Variants in TRIM2 observed in about 807,000 individuals in gnomAD.
TRIM2 encodes the protein tripartite motif containing 2.
Under a neutral mutation model 75.2 loss-of-function variants are expected in TRIM2, and 20 were observed. That is an observed-to-expected ratio of 0.27 (90% CI 0.19 to 0.39). The LOEUF (loss-of-function observed/expected upper bound fraction) is 0.39, where lower values mean the gene tolerates loss of function less well. Among genes scored for constraint, TRIM2 ranks in the 10% least tolerant of loss-of-function variants. TRIM2 has a pLI of 1.00. For missense variants in TRIM2, 660 were observed against 990.8 expected (o/e 0.67, Z 4.48); for synonymous variants, 373 against 388.3 (o/e 0.96, Z 0.46).
upstream of TRIM2, among the ~76,000 whole-genome samples, chr4:153,200,725 ATATATAT>A (rs1431140585): frequency 3.2e-5 from 4 of 124,998 alleles, no homozygotes; most frequent in African/African-American, 1.2e-4. Context: ...AGAAAAAAAA[ATATATAT>A]ATATATATAT....
At chr4:153,208,818 T>C (rs945171671) in intron 1 of TRIM2, among the ~76,000 whole-genome samples, 1 of 152,176 alleles carries the variant, frequency 6.6e-6, no homozygotes, top group Non-Finnish European at 1.5e-5. Flanking sequence ...TTCTAGATGA[T>C]GCTCCAGAGG....
intron 10 of TRIM2, among the ~76,000 whole-genome samples, chr4:153,325,110 T>C (rs1161147633): frequency 6.6e-6 from 1 of 152,196 alleles, no homozygotes; most frequent in Non-Finnish European, 1.5e-5. Flanking sequence ...TGCTAATGAC[T>C]GCGATAGCTA....
intron 1 of TRIM2, among the ~76,000 whole-genome samples, chr4:153,177,992 G>A (rs1184783258): frequency 6.6e-6 from 1 of 152,018 alleles, no homozygotes; most frequent in African/African-American, 2.4e-5. Flanking sequence ...TGTAGAGATA[G>A]GATTTCAGCA....
chr4:153,241,014 T>C (rs1419188238), intron 1 of TRIM2, among the ~76,000 whole-genome samples: 1 of 152,028 alleles, frequency 6.6e-6, no homozygotes, highest in African/African-American at 2.4e-5. Flanking sequence ...GAGGCGGAGG[T>C]TGCAGTGAGC....
At chr4:153,296,515 T>C (rs1166730726) in intron 6 of TRIM2, among the ~76,000 whole-genome samples, 1 of 152,192 alleles carries the variant, frequency 6.6e-6, no homozygotes, top group East Asian at 1.9e-4. Context: ...GCATCGGCAT[T>C]GCAGGAGGGA....
rs115126837 is a variant in TRIM2, at chr4:153,235,730, G to T, written c.30+31170G>T. 4.8e-3 allele frequency among the ~76,000 whole-genome samples: 737 copies of T among 152,270 alleles called. 9 individuals carry two copies. Among genetic ancestry groups the T allele is most frequent in the African/African-American group, 0.016 (684 of 41,550 alleles). The stretch of plus-strand genomic sequence containing the variant: ...TAGAGCTTCTTACAGACCTGAATGT[G>T]TCAGGTTGTTGAAGAGCTTTGCAGT... On this transcript the variant is annotated intron_variant, in intron 1 of 11. Coordinates refer to ENST00000338700, the MANE Select transcript of TRIM2 (RefSeq NM_015271.5).
At chr4:153,259,985 T>G (rs1218475327) in intron 1 of TRIM2, among the ~76,000 whole-genome samples, 1 of 152,228 alleles carries the variant, frequency 6.6e-6, no homozygotes, top group Non-Finnish European at 1.5e-5. Flanking sequence ...ATTAAGTGCT[T>G]TTTGTTATTG....
At chr4:153,324,700 A>G (rs892981965) in intron 10 of TRIM2, among the ~76,000 whole-genome samples, 2 of 152,198 alleles carry the variant, frequency 1.3e-5, no homozygotes, top group Non-Finnish European at 2.9e-5. Flanking sequence ...ATTGAACTTT[A>G]TTATGAGAAA....
chr4:153,299,441 T>A (rs1178370878), intron 6 of TRIM2, among the ~76,000 whole-genome samples: 1 of 152,166 alleles, frequency 6.6e-6, no homozygotes, highest in East Asian at 1.9e-4. Context: ...GACACTTAGG[T>A]TGATTCCATA....
chr4:153,209,489 T>A (rs1736367656), intron 1 of TRIM2, among the ~76,000 whole-genome samples: 1 of 152,194 alleles, frequency 6.6e-6, no homozygotes, highest in Admixed American at 6.5e-5. Flanking sequence ...CTCAGCTTTT[T>A]AAGGGAGCAT....
In TRIM2 at chr4:153,336,765, A is replaced by C. The variant is rs1772499516; in HGVS notation, c.*1799A>C. 1 of 985,654 alleles carries C rather than the reference A, an allele frequency of 1.0e-6. No individual in the cohort carries two copies. The allele number at this position is 985,654 out of a possible 1,614,324, so 61.1% of individuals were successfully genotyped here. ...TCTAGCTACTTCAAATTGTCTGTTA[A>C]ATTTATTATGCCCAAATCAACCTCT... On this transcript the variant is annotated 3_prime_UTR_variant, in exon 12 of 12. Coordinates refer to ENST00000338700, the MANE Select transcript of TRIM2 (RefSeq NM_015271.5).
chr4:153,213,438 G>A (rs1008073823), intron 1 of TRIM2, among the ~76,000 whole-genome samples: 3 of 152,060 alleles, frequency 2.0e-5, no homozygotes, highest in Non-Finnish European at 4.4e-5. Flanking sequence ...AACATTTGTC[G>A]AATCGCTAAC....
At chr4:153,319,328 C>T (rs1023294738) in intron 8 of TRIM2, among the ~76,000 whole-genome samples, 8 of 152,200 alleles carry the variant, frequency 5.3e-5, no homozygotes, top group African/African-American at 1.2e-4. Flanking sequence ...AATGGAAACA[C>T]CTCTGGCCAC....
chr4:153,209,327 A>G lies in TRIM2; in HGVS notation c.30+4767A>G, dbSNP rs187260888. Among the ~76,000 whole-genome samples, 25 of 152,334 alleles carry G rather than the reference A, an allele frequency of 1.6e-4. No homozygotes were observed. In the East Asian group the frequency reaches 3.7e-3, roughly 22 times the overall value. On this transcript the variant is annotated intron_variant, in intron 1 of 11. Transcript: ENST00000338700. ...CTGTTTTATCACTCCGATATGTTCA[A>G]GGGACCCACCCCCATAAAAGATGGA...
chr4:153,186,676 G>A (rs1041981447), intron 1 of TRIM2, among the ~76,000 whole-genome samples: 2 of 152,178 alleles, frequency 1.3e-5, no homozygotes, highest in Non-Finnish European at 2.9e-5. Context: ...CCAAGTCCCC[G>A]AAAGGGGAAG....
chr4:153,323,410 GC>G (rs1769433223), intron 9 of TRIM2, among the ~76,000 whole-genome samples: 1 of 152,300 alleles, frequency 6.6e-6, no homozygotes, highest in African/African-American at 2.4e-5. Context: ...ATTTGTTTAT[GC>G]TTTGTCTCCA....
chr4:153,258,471 T>G (rs1752621677), intron 1 of TRIM2, among the ~76,000 whole-genome samples: 1 of 152,162 alleles, frequency 6.6e-6, no homozygotes, highest in African/African-American at 2.4e-5. Flanking sequence ...GGATTATTTT[T>G]GTGTCAGAGC....
At chr4:153,291,210 T>C (rs1328873388) in intron 3 of TRIM2, among the ~76,000 whole-genome samples, 1 of 152,180 alleles carries the variant, frequency 6.6e-6, no homozygotes, top group African/African-American at 2.4e-5. Flanking sequence ...CCAAAACACA[T>C]GTAGTATGAG....
intron 6 of TRIM2, chr4:153,307,903 G>T: frequency 1.3e-6 from 1 of 751,014 alleles, no homozygotes. Context: ...ATTCTGATCA[G>T]GACCTTATCT....
Sources: gnomAD v4.1 joint callset for allele counts (sites outside exome capture counted in the v4.1 genomes callset) on GRCh38, gnomAD v4.1.1 for gene constraint, MANE v1.5 for transcripts, NCBI Gene and HGNC (gene_info 2026-07-23, HGNC 2026-07-21) for gene names.